WDR17: variants seen among roughly 807,000 people sequenced by gnomAD.
WDR17 encodes the protein WD repeat-containing protein 17.
In WDR17, 143 loss-of-function variants were observed where a neutral mutation model predicts 161.7. The observed-to-expected ratio is 0.88, with a 90% CI of 0.77 to 1.02. The LOEUF is 1.02. WDR17 is among the 50% of genes least tolerant of loss of function. The probability of loss-of-function intolerance (pLI) is 0.00; values close to 1 mark genes in which losing one functional copy is unlikely to be tolerated. For synonymous variants in WDR17, 517 were observed against 515.6 expected (o/e 1.00, Z -0.04); for missense variants, 1,469 against 1,520.9 (o/e 0.97, Z 0.57).
chr4:176,084,303 G>T (rs948195202), intron 1 of WDR17, among the ~76,000 whole-genome samples: 3 of 152,250 alleles, frequency 2.0e-5, no homozygotes, highest in South Asian at 4.1e-4. Flanking sequence ...AGGGGAACTG[G>T]TGTGTGCAAA....
At chr4:176,066,804 T>C (rs1219727770) in intron 1 of WDR17, among the ~76,000 whole-genome samples, 2 of 152,050 alleles carry the variant, frequency 1.3e-5, no homozygotes, top group African/African-American at 4.8e-5. Flanking sequence ...TGAAGAGAGA[T>C]ACTACATTTC....
chr4:176,173,442 A>G (rs1372796122), intron 25 of WDR17, 73 bp downstream of exon 25: 2 of 968,012 alleles, frequency 2.1e-6, no homozygotes, highest in Non-Finnish European at 3.2e-6. Context: ...TGTTTTTGGT[A>G]TTCAGATCGG....
At chr4:176,115,266 T>G (rs1160480042) in intron 2 of WDR17, among the ~76,000 whole-genome samples, 1 of 152,004 alleles carries the variant, frequency 6.6e-6, no homozygotes, top group Non-Finnish European at 1.5e-5. Context: ...TTAGGCTGTT[T>G]ATTTTTTCTA....
chr4:176,090,484 C>A (rs1347905283), intron 1 of WDR17, among the ~76,000 whole-genome samples: 1 of 152,094 alleles, frequency 6.6e-6, no homozygotes, highest in Non-Finnish European at 1.5e-5. Context: ...TATAGCAAGA[C>A]AAACAGATGA....
intron 25 of WDR17, among the ~76,000 whole-genome samples, chr4:176,173,609 T>TG (rs1366885320): frequency 6.6e-6 from 1 of 152,084 alleles, no homozygotes; most frequent in Non-Finnish European, 1.5e-5. Flanking sequence ...CTCCGCCTCC[T>TG]GGGTTCACAC....
chr4:176,169,552 A>G (rs1478058143), intron 23 of WDR17, among the ~76,000 whole-genome samples: 1 of 152,064 alleles, frequency 6.6e-6, no homozygotes, highest in Admixed American at 6.5e-5. Flanking sequence ...AGGAAGATAC[A>G]GTTTCTTTTA....
In WDR17 at chr4:176,162,947, T is replaced by A. The variant is rs535402696; in HGVS notation, c.2851-207T>A. The stretch of plus-strand genomic sequence containing the variant: ...CTCTTCAATTCTGACCTAAAAAAAA[T>A]TTCTGTATGTCTCATTAATAACTTT... On this transcript the variant is annotated intron_variant, in intron 21 of 28. Transcript: ENST00000508596. Among the ~76,000 whole-genome samples, 6 of 152,222 alleles carry A rather than the reference T, an allele frequency of 3.9e-5. No homozygotes were observed. In the East Asian group the frequency reaches 7.7e-4, roughly 20 times the overall value.
chr4:176,108,839 G>GA (rs1204171709), intron 1 of WDR17, among the ~76,000 whole-genome samples: 2 of 152,104 alleles, frequency 1.3e-5, no homozygotes, highest in African/African-American at 2.4e-5. Flanking sequence ...TCCCAGGCTA[G>GA]AGTGCAGTGG....
intron 17 of WDR17, among the ~76,000 whole-genome samples, chr4:176,154,099 A>G (rs952991019): frequency 3.9e-5 from 6 of 152,182 alleles, no homozygotes; most frequent in African/African-American, 1.2e-4. Flanking sequence ...TCAATCAGGT[A>G]TCTGTTTGGG....
Position 176,149,965 on chromosome 4 carries a change from C to A in WDR17, c.2047+9C>A. On this transcript the variant is annotated intron_variant, in intron 14 of 28. Transcript: ENST00000508596. ...AATTATTGGGAACACTGGTATGGAA[C>A]ATATACATGTATTAGAGTTTATTTC... 2 of 1,611,166 alleles carry A rather than the reference C, an allele frequency of 1.2e-6. No homozygotes were observed. The highest frequency in any genetic ancestry group is 8.5e-7 in the Non-Finnish European group (1 of 1,179,316).
At chr4:176,179,413 G>T in intron 28 of WDR17, 47 bp from the exon 29 acceptor site, 1 of 1,397,908 alleles carries the variant, frequency 7.2e-7, no homozygotes, top group Non-Finnish European at 9.4e-7. Context: ...AAAATACTTT[G>T]CAAATTTATA....
intron 10 of WDR17, among the ~76,000 whole-genome samples, chr4:176,141,186 T>A (rs1579166787): frequency 1.2e-5 from 1 of 83,090 alleles, no homozygotes; most frequent in East Asian, 2.6e-4. Flanking sequence ...AGAATCCTTT[T>A]CTTATGGCAG....
intron 6 of WDR17, among the ~76,000 whole-genome samples, chr4:176,131,255 T>C (rs182399579): frequency 6.6e-6 from 1 of 152,110 alleles, no homozygotes; most frequent in Non-Finnish European, 1.5e-5. Flanking sequence ...AATTCAGAAA[T>C]AATCATGCTG....
At chr4:176,168,539 G>T (rs1309813259) in intron 22 of WDR17, 133 bp from the exon 23 acceptor site, 1 of 944,076 alleles carries the variant, frequency 1.1e-6, no homozygotes, top group Non-Finnish European at 1.5e-6. Flanking sequence ...AATTAAGTAG[G>T]CTATTAATAC....
intron 1 of WDR17, among the ~76,000 whole-genome samples, chr4:176,086,950 T>C (rs951526272): frequency 6.6e-6 from 1 of 151,868 alleles, no homozygotes; most frequent in African/African-American, 2.4e-5. Context: ...ATTTGACTCA[T>C]TATGGTTTAA....
intron 13 of WDR17, among the ~76,000 whole-genome samples, chr4:176,149,236 T>G (rs1746698283): frequency 6.6e-6 from 1 of 152,070 alleles, no homozygotes; most frequent in East Asian, 1.9e-4. Context: ...TAATAATTTT[T>G]TTCTTTTTTC....
chr4:176,173,219 T>G (rs886228531), intron 24 of WDR17, 48 bp from the exon 25 acceptor site: 3 of 1,284,792 alleles, frequency 2.3e-6, no homozygotes, highest in Non-Finnish European at 3.3e-6. Flanking sequence ...ATGAATAAAT[T>G]TTGAGACTGT....
intron 1 of WDR17, among the ~76,000 whole-genome samples, chr4:176,086,286 CAT>C (rs1452359976): frequency 6.6e-6 from 1 of 151,850 alleles, no homozygotes; most frequent in East Asian, 1.9e-4. Flanking sequence ...GGTACAGTAT[CAT>C]ATATATGTCA....
chr4:176,155,695 C>T (rs561683217), intron 17 of WDR17, among the ~76,000 whole-genome samples: 13 of 135,350 alleles, frequency 9.6e-5, no homozygotes, highest in African/African-American at 3.5e-4. Context: ...CAAGTGTGCA[C>T]CACCACATCT....
Sources: allele counts gnomAD v4.1 joint callset (sites outside exome capture counted in the v4.1 genomes callset), GRCh38; gene constraint gnomAD v4.1.1; transcripts MANE v1.5; gene names NCBI Gene and HGNC (gene_info 2026-07-23, HGNC 2026-07-21).